The following OVCH1 variants were observed in gnomAD, a reference collection of about 807,000 sequenced individuals.
OVCH1 encodes ovochymase 1, also known as ovochymase-1.
A neutral mutation model predicts 138.4 loss-of-function variants in OVCH1; 139 were observed. The observed-to-expected ratio is 1.00, with a 90% CI of 0.87 to 1.16. The LOEUF is 1.16. Ranked by LOEUF, OVCH1 falls within the 50% of genes most tolerant of loss-of-function variation. OVCH1 has a pLI of 0.00. For synonymous variants in OVCH1, 453 were observed against 467.8 expected (o/e 0.97, Z 0.41); for missense variants, 1,367 against 1,357.9 (o/e 1.01, Z -0.11).
chr12:29,464,756 C>A (rs991828040), intron 17 of OVCH1, 54 bp from the exon 18 acceptor site: 2 of 1,489,496 alleles, frequency 1.3e-6, no homozygotes, highest in African/African-American at 1.4e-5. Flanking sequence ...AAGAATCCAG[C>A]AACTTCCTTG....
chr12:29,418,562 G>C (rs867047549), intron 3 of OVCH1, among the ~76,000 whole-genome samples: 1 of 152,184 alleles, frequency 6.6e-6, no homozygotes, highest in Non-Finnish European at 1.5e-5. Flanking sequence ...ATATTAAGCT[G>C]TATGGCAAAG....
the OVCH1 span, among the ~76,000 whole-genome samples, chr12:29,403,876 A>T: frequency 1.3e-5 from 2 of 152,204 alleles, no homozygotes; most frequent in African/African-American, 4.8e-5. Context: ...GTAGAAAAAA[A>T]CAGTACAATT....
intron 22 of OVCH1, among the ~76,000 whole-genome samples, chr12:29,450,980 C>T (rs1941773262): frequency 7.4e-6 from 1 of 134,346 alleles, no homozygotes; most frequent in Non-Finnish European, 1.5e-5. Context: ...AACACATGGA[C>T]ACAGGGAGGG....
exon 2 of OVCH1, chr12:29,496,669 T>G: frequency 6.2e-7 from 1 of 1,607,138 alleles, no homozygotes; most frequent in Non-Finnish European, 8.5e-7. Flanking sequence ...ATTCCACACT[T>G]CAGTCCTGTG....
intron 27 of OVCH1, among the ~76,000 whole-genome samples, chr12:29,429,673 T>G (rs1231809909): frequency 6.6e-6 from 1 of 152,190 alleles, no homozygotes; most frequent in African/African-American, 2.4e-5. Context: ...GAATAAAAAG[T>G]CCAAGTGTAA....
chr12:29,497,164 G>C (rs1388759355), intron 1 of OVCH1, among the ~76,000 whole-genome samples: 1 of 145,388 alleles, frequency 6.9e-6, no homozygotes, highest in African/African-American at 2.6e-5. Flanking sequence ...AGCTACTCAG[G>C]AGGCAGAGGC....
At chr12:29,416,573 A>G (rs1234750819) in intron 3 of OVCH1, among the ~76,000 whole-genome samples, 1 of 152,236 alleles carries the variant, frequency 6.6e-6, no homozygotes, top group Non-Finnish European at 1.5e-5. Context: ...ACCATTAGCC[A>G]TTAGGCAAAT....
intron 26 of OVCH1, chr12:29,433,858 G>A: frequency 1.5e-6 from 2 of 1,308,590 alleles, no homozygotes; most frequent in Non-Finnish European, 1.0e-6. Flanking sequence ...CTCCCAAACT[G>A]TATTTCAATT....
chr12:29,438,760 G>C (rs921903614), intron 26 of OVCH1, among the ~76,000 whole-genome samples: 6 of 152,094 alleles, frequency 3.9e-5, no homozygotes, highest in African/African-American at 1.4e-4. Flanking sequence ...ATGGTTTTAA[G>C]ATTACAATTG....
intron 4 of OVCH1, among the ~76,000 whole-genome samples, chr12:29,494,470 T>C (rs1351547699): frequency 1.3e-5 from 2 of 152,322 alleles, no homozygotes; most frequent in African/African-American, 4.8e-5. Flanking sequence ...TTCAAATGTT[T>C]CGAGCTTTTT....
intron 4 of OVCH1, among the ~76,000 whole-genome samples, chr12:29,491,938 G>T (rs1943283749): frequency 6.6e-6 from 1 of 152,116 alleles, no homozygotes. Context: ...CTCAACGAAT[G>T]AACAGAAAGA....
intron 25 of OVCH1, 122 bp from the exon 26 acceptor site, chr12:29,440,866 T>A (rs1941467373): frequency 2.4e-6 from 1 of 418,526 alleles, no homozygotes; most frequent in African/African-American, 2.1e-5. Flanking sequence ...GGACCCTACC[T>A]GCATGGAGAG....
At position 29,487,829 on chromosome 12, in the gene OVCH1, A is replaced by G. The variant is rs952528478; in HGVS notation, c.756T>C (p.Leu252=). Reference sequence around the variant, plus strand: ...CAGCTACCCAGGAAGTTATCCCAGCAAGAATCCAGATTCCACCACCTCTTC... The same window carrying G: ...CAGCTACCCAGGAAGTTATCCCAGCGAGAATCCAGATTCCACCACCTCTTC... Residue 252 remains leucine, a synonymous_variant, in exon 7 of 28, where the codon CTT becomes CTC. Transcript: ENST00000318184. 18 of 1,610,986 alleles carry G rather than the reference A, an allele frequency of 1.1e-5. No individual in the cohort carries two copies. In the African/African-American group the frequency reaches 2.1e-4, roughly 19 times the overall value.
chr12:29,411,240 C>T (rs1263230356), downstream of OVCH1, among the ~76,000 whole-genome samples: 1 of 134,902 alleles, frequency 7.4e-6, no homozygotes, highest in African/African-American at 2.5e-5. Context: ...ACTTCTTTGC[C>T]TTTGGTTTGA....
intron 8 of OVCH1, among the ~76,000 whole-genome samples, chr12:29,481,444 C>G (rs980071105): frequency 3.3e-5 from 5 of 152,088 alleles, no homozygotes; most frequent in African/African-American, 7.2e-5. Context: ...TACTTTAGTC[C>G]CTATAAACTA....
At chr12:29,439,063 T>G (rs1450591520) in intron 26 of OVCH1, among the ~76,000 whole-genome samples, 1 of 152,196 alleles carries the variant, frequency 6.6e-6, no homozygotes, top group African/African-American at 2.4e-5. Context: ...CAATTCTTAA[T>G]TAGAGACAAA....
At chr12:29,451,321 A>G in intron 22 of OVCH1, 24 bp downstream of exon 22, 1 of 1,587,966 alleles carries the variant, frequency 6.3e-7, no homozygotes, top group Non-Finnish European at 8.6e-7. Flanking sequence ...CCTAGCACGA[A>G]GTTTATATGC....
At chr12:29,473,655 C>T (rs963734653) in intron 14 of OVCH1, among the ~76,000 whole-genome samples, 2 of 152,100 alleles carry the variant, frequency 1.3e-5, no homozygotes, top group Admixed American at 6.6e-5. Flanking sequence ...CCACTCACCT[C>T]GCCATTCAAG....
At chr12:29,473,659 A>G (rs1459695430) in intron 14 of OVCH1, among the ~76,000 whole-genome samples, 1 of 152,128 alleles carries the variant, frequency 6.6e-6, no homozygotes, top group Non-Finnish European at 1.5e-5. Flanking sequence ...TCACCTCGCC[A>G]TTCAAGCTAG....
Sources: allele counts gnomAD v4.1 joint callset (sites outside exome capture counted in the v4.1 genomes callset), GRCh38; gene constraint gnomAD v4.1.1; transcripts MANE v1.5; gene names NCBI Gene and HGNC (gene_info 2026-07-23, HGNC 2026-07-21).